The following KIR3DL2 variants were observed in gnomAD, a reference collection of about 807,000 sequenced individuals.
KIR3DL2 encodes killer cell immunoglobulin-like receptor 3DL2.
In KIR3DL2, 42 loss-of-function variants were observed where a neutral mutation model predicts 41.6. That is an observed-to-expected ratio of 1.01 (90% CI 0.79 to 1.31). KIR3DL2 has a LOEUF of 1.31. Among genes scored for constraint, KIR3DL2 ranks in the 50% most tolerant of loss-of-function variants. The pLI is 0.00. For synonymous variants in KIR3DL2, 230 were observed against 221.3 expected (o/e 1.04, Z -0.35); for missense variants, 728 against 576.8 (o/e 1.26, Z -2.68).
chr19:54,864,579 T>C (rs1478953457), intron 6 of KIR3DL2, among the ~76,000 whole-genome samples: 1 of 152,020 alleles, frequency 6.6e-6, no homozygotes, highest in Non-Finnish European at 1.5e-5. Context: ...TCATATCCCT[T>C]GTAAGTTGGA....
At chr19:54,859,579 A>T (rs1156583731) in intron 6 of KIR3DL2, among the ~76,000 whole-genome samples, 1 of 151,916 alleles carries the variant, frequency 6.6e-6, no homozygotes. Flanking sequence ...GCCGTAACAG[A>T]GAACAGAGCT....
At chr19:54,855,323 T>A (rs1309873388) in intron 4 of KIR3DL2, among the ~76,000 whole-genome samples, 2 of 151,372 alleles carry the variant, frequency 1.3e-5, no homozygotes, top group Non-Finnish European at 2.9e-5. Flanking sequence ...AGACAGAAAG[T>A]GAGAGACTCA....
intron 6 of KIR3DL2, among the ~76,000 whole-genome samples, chr19:54,861,338 A>G (rs1193779881): frequency 2.0e-5 from 3 of 152,052 alleles, no homozygotes; most frequent in Admixed American, 2.0e-4. Context: ...GTGCAAATGA[A>G]GGGACCTAGT....
At chr19:54,853,454 C>T (rs77811891) in intron 3 of KIR3DL2, among the ~76,000 whole-genome samples, 24,342 of 151,570 alleles carry the variant, frequency 0.16, 2,788 homozygotes, top group East Asian at 0.53. Flanking sequence ...TCTTCCACCC[C>T]CACATAGACA....
intron 7 of KIR3DL2, 24 bp downstream of exon 7, chr19:54,865,933 A>G (rs956577097): frequency 6.3e-7 from 1 of 1,591,512 alleles, no homozygotes; most frequent in Non-Finnish European, 8.6e-7. Flanking sequence ...AGCAGAGGCC[A>G]GAGAGCTCAG....
rs2065265117 is a variant in KIR3DL2 at position 54,862,803 on chromosome 19, T to C, written c.1001-3002T>C. ...AGAACACTTGAGCCTGGGTTACTTC[T>C]TTTTTTTTTTTTTTTTTTTTTGTAT... On this transcript the variant is annotated intron_variant, in intron 6 of 8. Coordinates refer to ENST00000326321, the MANE Select transcript of KIR3DL2 (RefSeq NM_006737.4). 1.2e-4 allele frequency among the ~76,000 whole-genome samples: 3 copies of C among 24,118 alleles called. No homozygotes were observed. In the South Asian group the frequency reaches 4.0e-3, roughly 32 times the overall value. The allele number at this position is 24,118 out of a possible 152,430, so 15.8% of individuals were successfully genotyped here.
chr19:54,850,543 TG>T, intron 1 of KIR3DL2, 34 bp downstream of exon 1: 2 of 1,597,056 alleles, frequency 1.3e-6, no homozygotes. Flanking sequence ...GGAGGGAGAG[TG>T]GGGATGGAGA....
chr19:54,860,505 G>T (rs2065093801), intron 6 of KIR3DL2, among the ~76,000 whole-genome samples: 1 of 151,940 alleles, frequency 6.6e-6, no homozygotes, highest in African/African-American at 2.4e-5. Flanking sequence ...CAGTAGCTGG[G>T]ATTACAGACC....
At position 54,866,423 on chromosome 19, in the gene KIR3DL2, G is replaced by A. The variant is rs1313170689; in HGVS notation, c.1158+1G>A. 6.2e-7 allele frequency: 1 copy of A among 1,613,974 alleles called. No homozygotes were observed. Among genetic ancestry groups the A allele is most frequent in the East Asian group, 2.2e-5 (1 of 44,886 alleles). On this transcript the variant is annotated splice_donor_variant, in intron 8 of 8. Transcript: ENST00000326321. LOFTEE classifies it high-confidence loss of function. ...GGGGGACAGAACAGTGAATAGGCAG[G>A]TAGGTCCTCCTCGGCCCAGCCTCAC...
chr19:54,856,087 G>A (rs1231442639), intron 5 of KIR3DL2, among the ~76,000 whole-genome samples, 175 bp downstream of exon 5: 1 of 151,430 alleles, frequency 6.6e-6, no homozygotes, highest in Non-Finnish European at 1.5e-5. Context: ...CCTCTTGCAT[G>A]GCCTGCATGG....
intron 6 of KIR3DL2, among the ~76,000 whole-genome samples, chr19:54,862,118 T>C (rs2065217939): frequency 6.6e-6 from 1 of 152,022 alleles, no homozygotes; most frequent in Admixed American, 6.6e-5. Context: ...GGGGGTGGTC[T>C]TTCCCCCAGC....
rs1249158024 is a variant in KIR3DL2, at chr19:54,851,332, C to T, written c.70+77C>T. On this transcript the variant is annotated intron_variant, in intron 2 of 8. Coordinates refer to ENST00000326321, the MANE Select transcript of KIR3DL2 (RefSeq NM_006737.4). ...TTCTGAAACAGGAGGGAAGTCCTGT[C>T]GGGGAGTCTCTCATAAACTAGGAAG... The T allele has an allele frequency of 4.0e-5, 60 of 1,488,210 alleles. No homozygotes were observed. In the East Asian group the frequency reaches 4.1e-4, roughly 10 times the overall value. The allele number at this position is 1,488,210 out of a possible 1,614,324, so 92.2% of individuals were successfully genotyped here.
At position 54,852,222 on chromosome 19, in the gene KIR3DL2, C is replaced by G. The variant is rs376049512; in HGVS notation, c.295C>G (p.Arg99Gly). 8 of 1,611,404 alleles carry G rather than the reference C, an allele frequency of 5.0e-6. No individual in the cohort carries two copies. The highest frequency in any genetic ancestry group is 3.3e-5 in the Admixed American group (2 of 59,870). Reference protein sequence around the residue: ...HAGTYRCRGSRPHSLTGWSAP... With the variant: ...HAGTYRCRGSGPHSLTGWSAP... ...AGGGACCTACAGATGTCGGGGTTCA[C>G]GCCCACACTCCCTCACTGGGTGGTC... The change falls in exon 3 of 9, where the codon CGC (arginine) becomes GGC (glycine). Residue 99 changes from arginine (R) to glycine (G), a missense_variant. Arg to Gly is a moderately radical substitution (Grantham distance 125). Coordinates refer to ENST00000326321, the MANE Select transcript of KIR3DL2 (RefSeq NM_006737.4).
chr19:54,864,966 C>T lies in KIR3DL2; in HGVS notation c.1001-839C>T, dbSNP rs1391558981. ...TCAAAGGGAATGCTTCCAGTTTTTG[C>T]CCATTCAGTATGATACTGGCTGTGG... On this transcript the variant is annotated intron_variant, in intron 6 of 8. Coordinates refer to ENST00000326321, the MANE Select transcript of KIR3DL2 (RefSeq NM_006737.4). Among the ~76,000 whole-genome samples the T allele has an allele frequency of 2.0e-5, 3 of 152,074 alleles. No individual in the cohort carries two copies. In the East Asian group the frequency reaches 5.8e-4, roughly 29 times the overall value.
chr19:54,859,549 C>G (rs1019831048), intron 6 of KIR3DL2, among the ~76,000 whole-genome samples: 17 of 151,974 alleles, frequency 1.1e-4, no homozygotes, highest in Non-Finnish European at 2.4e-4. Flanking sequence ...CCCTGGCTGA[C>G]TCAGCAGAGC....
chr19:54,862,701 A>G (rs1255091632), intron 6 of KIR3DL2, among the ~76,000 whole-genome samples: 1 of 151,092 alleles, frequency 6.6e-6, no homozygotes, highest in Non-Finnish European at 1.5e-5. Flanking sequence ...AAGAACAGGA[A>G]GACAGCACAG....
At chr19:54,859,258 G>A (rs2145665932) in intron 6 of KIR3DL2, 129 bp downstream of exon 6, 1 of 941,894 alleles carries the variant, frequency 1.1e-6, no homozygotes, top group East Asian at 2.4e-5. Context: ...CTGAACTCCA[G>A]ACACTCCAAC....
chr19:54,862,473 G>T (rs2065242841), intron 6 of KIR3DL2, among the ~76,000 whole-genome samples: 1 of 152,038 alleles, frequency 6.6e-6, no homozygotes. Context: ...CGTTACATAG[G>T]CAGGTTCATT....
chr19:54,857,538 CT>C (rs2064878822), intron 5 of KIR3DL2, among the ~76,000 whole-genome samples: 1 of 150,182 alleles, frequency 6.7e-6, no homozygotes, highest in Non-Finnish European at 1.5e-5. Context: ...AGCCATTTTA[CT>C]TTACTTTATT....
Sources: allele counts gnomAD v4.1 joint callset (sites outside exome capture counted in the v4.1 genomes callset), GRCh38; gene constraint gnomAD v4.1.1; transcripts MANE v1.5; gene names NCBI Gene and HGNC (gene_info 2026-07-23, HGNC 2026-07-21).